Variants in CHD2 observed in about 807,000 individuals in gnomAD.
CHD2 encodes chromodomain helicase DNA binding protein 2, also known as ATP-dependent chromatin remodeler CHD2.
Under a neutral mutation model 243.9 loss-of-function variants are expected in CHD2, and 28 were observed. The ratio of observed to expected loss-of-function variants is 0.11; its 90% confidence interval spans 0.09 to 0.16. The LOEUF (loss-of-function observed/expected upper bound fraction) is 0.16, where lower values mean the gene tolerates loss of function less well. Among genes scored for constraint, CHD2 ranks in the 10% least tolerant of loss-of-function variants. The pLI, the probability that CHD2 is intolerant of heterozygous loss-of-function variation, is 1.00. For missense variants in CHD2, 1,386 were observed against 2,209.8 expected (o/e 0.63, Z 7.47); for synonymous variants, 775 against 779.0 (o/e 0.99, Z 0.09).
chr15:93,000,496 TTC>T lies in CHD2; in HGVS notation c.4009-11_4009-10del. The T allele has an allele frequency of 6.2e-7, 1 of 1,600,400 alleles. No individual in the cohort carries two copies. The highest frequency in any genetic ancestry group is 8.5e-7 in the Non-Finnish European group (1 of 1,174,722). On this transcript the variant is annotated splice_polypyrimidine_tract_variant and intron_variant, in intron 31 of 38. Coordinates refer to ENST00000394196, the MANE Select transcript of CHD2 (RefSeq NM_001271.4). ...CTTGATTTGTATTTTAATCATCATT[TTC>T]TCTCCTTTTCCAGGCCAAATTAAAG... is the stretch of plus-strand genomic sequence containing the variant.
chr15:92,902,238 T>G lies in CHD2; in HGVS notation c.62+939T>G. On this transcript the variant is annotated intron_variant, in intron 2 of 38. Coordinates refer to ENST00000394196, the MANE Select transcript of CHD2 (RefSeq NM_001271.4). ...TACTGTTTGTGCAAATCATGATCTGTTTCACATTCCTTGGAGTACCTTGTT... is the reference window on the plus strand; with the variant it reads ...TACTGTTTGTGCAAATCATGATCTGGTTCACATTCCTTGGAGTACCTTGTT... 7.5e-6 allele frequency: 3 copies of G among 397,920 alleles called. No individual in the cohort carries two copies. The Admixed American group carries it at 1.3e-4, about 18-fold the overall frequency. 24.6% of individuals were successfully genotyped at this position (397,920 alleles called of 1,614,324 possible).
chr15:92,902,065 T>C (rs2052536326), intron 2 of CHD2: 1 of 395,908 alleles, frequency 2.5e-6, no homozygotes, highest in South Asian at 1.3e-4. Context: ...TTTAAATTAT[T>C]TTAAGGTTTG....
intron 36 of CHD2, 86 bp downstream of exon 36, chr15:93,012,530 A>G (rs1355130964): frequency 3.4e-6 from 3 of 894,584 alleles, no homozygotes; most frequent in Admixed American, 5.4e-5. Context: ...CCATGGGGAG[A>G]TGATCACAGA....
intron 9 of CHD2, 145 bp from the exon 10 acceptor site, chr15:92,944,270 C>G (rs575182153): frequency 4.1e-5 from 20 of 488,202 alleles, no homozygotes; most frequent in African/African-American, 3.6e-4. Context: ...TGTAAAATCT[C>G]TGGCGTAATT....
At chr15:93,024,157 G>GTGTA (rs1465255987) in intron 38 of CHD2, among the ~76,000 whole-genome samples, 2 of 122,692 alleles carry the variant, frequency 1.6e-5, no homozygotes, top group Non-Finnish European at 3.5e-5. Context: ...TTTTTCAAGT[G>GTGTA]TGTACTTGTG....
chr15:92,906,539 C>T (rs182997211), intron 2 of CHD2, among the ~76,000 whole-genome samples: 373 of 152,274 alleles, frequency 2.4e-3, no homozygotes, highest in Non-Finnish European at 4.2e-3. Flanking sequence ...CCTCCTGAGA[C>T]CACCTGGTAT....
chr15:92,973,838 C>G (rs1460828576), intron 19 of CHD2, among the ~76,000 whole-genome samples: 2 of 152,152 alleles, frequency 1.3e-5, no homozygotes, highest in African/African-American at 4.8e-5. Flanking sequence ...TATTAAAAGG[C>G]GGCATTAGGT....
rs1315376653 is a variant in CHD2, at chr15:92,956,459, A to G, written c.1810A>G (p.Thr604Ala). 1 of 1,608,364 alleles carries G rather than the reference A, an allele frequency of 6.2e-7. No individual in the cohort carries two copies. The highest frequency in any genetic ancestry group is 1.7e-5 in the Admixed American group (1 of 58,530). Reference sequence around the variant, plus strand: ...TCGTTCTGTTTTGTTTTTACTTTAGACTGTGCTGGGCAGTATTAACTGGGC... The same window carrying G: ...TCGTTCTGTTTTGTTTTTACTTTAGGCTGTGCTGGGCAGTATTAACTGGGC... Reference protein sequence around the residue: ...TTYEILLKDKTVLGSINWAFL... With the variant: ...TTYEILLKDKAVLGSINWAFL... The change falls in exon 16 of 39, where the codon ACT becomes GCT. Residue 604 changes from threonine to alanine, a missense_variant and splice_region_variant. This residue lies in a region of CHD2 where 63 missense variants were observed against 108.8 expected (regional missense o/e 0.58). Coordinates refer to ENST00000394196, the MANE Select transcript of CHD2 (RefSeq NM_001271.4).
At chr15:92,942,722 C>CA in intron 8 of CHD2, 121 bp from the exon 9 acceptor site, 1 of 658,946 alleles carries the variant, frequency 1.5e-6, no homozygotes, top group South Asian at 2.6e-5. Context: ...GTACTTATTT[C>CA]AAGTTGAAGT....
At chr15:92,936,925 G>A (rs903580659) in intron 5 of CHD2, among the ~76,000 whole-genome samples, 4 of 151,990 alleles carry the variant, frequency 2.6e-5, no homozygotes, top group Non-Finnish European at 4.4e-5. Context: ...AATCACAGCT[G>A]ACTGCAACCT....
intron 2 of CHD2, chr15:92,905,020 C>T: frequency 2.6e-6 from 4 of 1,531,622 alleles, no homozygotes; most frequent in Non-Finnish European, 3.5e-6. Flanking sequence ...TCAGTATGTG[C>T]TAAGTACTAT....
chr15:93,009,404 CA>C, intron 35 of CHD2, 81 bp downstream of exon 35: 10 of 1,352,024 alleles, frequency 7.4e-6, no homozygotes, highest in African/African-American at 1.5e-5. Context: ...TAAAAGGTGG[CA>C]TAGCCACCTA....
chr15:92,917,619 C>G (rs954108378), intron 2 of CHD2, among the ~76,000 whole-genome samples: 3 of 152,164 alleles, frequency 2.0e-5, no homozygotes, highest in African/African-American at 4.8e-5. Context: ...CTTTGCTTTT[C>G]CATCTTAAGA....
intron 14 of CHD2, among the ~76,000 whole-genome samples, chr15:92,954,609 C>T (rs984861029): frequency 1.3e-4 from 19 of 151,800 alleles, no homozygotes; most frequent in African/African-American, 3.9e-4. Context: ...CCGTTAAAGA[C>T]GAAAAAAGAG....
At chr15:92,959,175 C>A (rs964457011) in intron 16 of CHD2, among the ~76,000 whole-genome samples, 1 of 152,194 alleles carries the variant, frequency 6.6e-6, no homozygotes, top group Non-Finnish European at 1.5e-5. Flanking sequence ...CCTATGGACA[C>A]GAAGACTTGC....
At chr15:93,014,968 C>A in intron 37 of CHD2, 59 bp downstream of exon 37, 1 of 1,402,902 alleles carries the variant, frequency 7.1e-7, no homozygotes, top group Non-Finnish European at 1.0e-6. Context: ...TTCACACAGC[C>A]GTTTCATTTT....
chr15:93,011,230 A>C (rs1372312193), intron 35 of CHD2, among the ~76,000 whole-genome samples: 1 of 152,220 alleles, frequency 6.6e-6, no homozygotes, highest in Non-Finnish European at 1.5e-5. Context: ...AAAGTAGTAC[A>C]AGGTAAGCCC....
At chr15:92,958,881 G>T (rs1236490410) in intron 16 of CHD2, among the ~76,000 whole-genome samples, 1 of 152,186 alleles carries the variant, frequency 6.6e-6, no homozygotes, top group Non-Finnish European at 1.5e-5. Flanking sequence ...AGCACATTCA[G>T]GGTAGGCTAC....
intron 5 of CHD2, 61 bp from the exon 6 acceptor site, chr15:92,937,457 G>A (rs1282733651): frequency 5.5e-6 from 7 of 1,276,132 alleles, no homozygotes; most frequent in Non-Finnish European, 6.6e-6. Flanking sequence ...GGTTTTGTCG[G>A]ATTATTTATC....
Sources: allele counts gnomAD v4.1 joint callset (sites outside exome capture counted in the v4.1 genomes callset), GRCh38; gene constraint gnomAD v4.1.1; regional missense constraint gnomAD v4.1.1; transcripts MANE v1.5; gene names NCBI Gene and HGNC (gene_info 2026-07-23, HGNC 2026-07-21).